NKAIN3: variants seen among roughly 807,000 people sequenced by gnomAD.
NKAIN3 encodes the protein sodium/potassium transporting ATPase interacting 3, also known as sodium/potassium-transporting ATPase subunit beta-1-interacting protein 3.
A neutral mutation model predicts 30.2 loss-of-function variants in NKAIN3; 25 were observed. That is an observed-to-expected ratio of 0.83 (90% CI 0.60 to 1.16). NKAIN3 has a LOEUF of 1.16. NKAIN3 is among the 50% of genes most tolerant of loss of function. The pLI is 0.00. For missense variants in NKAIN3, 225 were observed against 254.1 expected, an observed-to-expected ratio of 0.89 and a Z score of 0.78; for synonymous variants, 91 against 89.6, an observed-to-expected ratio of 1.02 and a Z score of -0.09.
At chr8:62,352,225 G>T (rs558573252) in intron 1 of NKAIN3, among the ~76,000 whole-genome samples, 4 of 152,258 alleles carry the variant, frequency 2.6e-5, no homozygotes, top group East Asian at 3.9e-4. Flanking sequence ...CTGTCGACCT[G>T]ACTCCTTCCC....
chr8:62,942,538 A>G lies in NKAIN3; in HGVS notation c.533-11364A>G, dbSNP rs1352324784. Among the ~76,000 whole-genome samples the G allele has an allele frequency of 2.6e-5, 4 of 151,654 alleles. No individual in the cohort carries two copies. In the East Asian group the frequency reaches 7.7e-4, roughly 29 times the overall value. ...CTAAAAAAAAAAAAAAAATCCTAAA[A>G]TTCATGTGGAACCAAAAAAGAGCCC... On this transcript the variant is annotated intron_variant, in intron 5 of 6. Transcript: ENST00000623646.
chr8:62,864,871 C>A (rs578125727), intron 4 of NKAIN3, among the ~76,000 whole-genome samples: 1 of 152,110 alleles, frequency 6.6e-6, no homozygotes, highest in African/African-American at 2.4e-5. Context: ...GAGTCAATAC[C>A]GTTCCATAGA....
intron 3 of NKAIN3, among the ~76,000 whole-genome samples, chr8:62,685,794 C>T (rs1055108789): frequency 1.3e-5 from 2 of 152,146 alleles, no homozygotes; most frequent in Non-Finnish European, 2.9e-5. Context: ...TCTGACTGCG[C>T]AACTATTAAG....
chr8:62,766,211 A>G (rs936134851), intron 4 of NKAIN3, among the ~76,000 whole-genome samples: 3 of 152,352 alleles, frequency 2.0e-5, no homozygotes, highest in Admixed American at 6.5e-5. Flanking sequence ...TAGTGGAGGC[A>G]TATAATAGAT....
chr8:62,418,935 T>C (rs1804544773), intron 1 of NKAIN3, among the ~76,000 whole-genome samples: 1 of 152,158 alleles, frequency 6.6e-6, no homozygotes, highest in African/African-American at 2.4e-5. Flanking sequence ...TAATATGTTC[T>C]CTAGCAGAAG....
intron 1 of NKAIN3, among the ~76,000 whole-genome samples, chr8:62,340,826 C>T (rs73684958): frequency 0.039 from 5,994 of 151,978 alleles, 430 homozygotes; most frequent in African/African-American, 0.14. Flanking sequence ...GTGGTTTGCT[C>T]GGAGGCAAGG....
chr8:62,901,970 G>C (rs1821626472), intron 4 of NKAIN3, among the ~76,000 whole-genome samples: 1 of 152,176 alleles, frequency 6.6e-6, no homozygotes, highest in African/African-American at 2.4e-5. Context: ...GGCTAAGTCA[G>C]CTGCTCAGTG....
intron 1 of NKAIN3, among the ~76,000 whole-genome samples, chr8:62,388,924 G>A (rs1163122580): frequency 1.3e-5 from 2 of 152,128 alleles, no homozygotes; most frequent in African/African-American, 4.8e-5. Context: ...TTATTAATGG[G>A]CCAGCCCAGT....
chr8:62,580,909 T>C (rs1449865594), intron 2 of NKAIN3, among the ~76,000 whole-genome samples: 2 of 142,388 alleles, frequency 1.4e-5, no homozygotes, highest in Non-Finnish European at 3.0e-5. Context: ...AGGGTTTTTA[T>C]ATATATATAT....
At chr8:62,450,015 A>C (rs902450055) in intron 1 of NKAIN3, among the ~76,000 whole-genome samples, 1 of 152,196 alleles carries the variant, frequency 6.6e-6, no homozygotes, top group Non-Finnish European at 1.5e-5. Flanking sequence ...TAGTTTAAAC[A>C]AAAATATTTT....
chr8:62,443,293 C>G (rs1056363727), intron 1 of NKAIN3, among the ~76,000 whole-genome samples: 3 of 151,974 alleles, frequency 2.0e-5, no homozygotes, highest in Non-Finnish European at 2.9e-5. Flanking sequence ...GGACTTTTCA[C>G]TTATTATCTT....
chr8:62,779,962 A>G (rs1311945137), intron 4 of NKAIN3, among the ~76,000 whole-genome samples: 1 of 152,140 alleles, frequency 6.6e-6, no homozygotes, highest in Non-Finnish European at 1.5e-5. Flanking sequence ...TCAAAGCAGA[A>G]CTAAATGCAA....
intron 1 of NKAIN3, among the ~76,000 whole-genome samples, chr8:62,454,741 G>A (rs1229014222): frequency 6.6e-6 from 1 of 151,984 alleles, no homozygotes; most frequent in African/African-American, 2.4e-5. Context: ...TTTTCAATTG[G>A]TCCTTGTATA....
intron 3 of NKAIN3, among the ~76,000 whole-genome samples, chr8:62,602,688 C>A (rs1811015216): frequency 6.6e-6 from 1 of 152,040 alleles, no homozygotes; most frequent in African/African-American, 2.4e-5. Context: ...GGTAGTGGGT[C>A]TTCTTACATA....
intron 4 of NKAIN3, among the ~76,000 whole-genome samples, chr8:62,759,496 A>C (rs1158392104): frequency 6.6e-6 from 1 of 152,142 alleles, no homozygotes; most frequent in African/African-American, 2.4e-5. Context: ...GGGGCTTATA[A>C]AGCCTGAGCT....
At chr8:62,319,215 C>A (rs1814780112) in intron 1 of NKAIN3, among the ~76,000 whole-genome samples, 1 of 151,720 alleles carries the variant, frequency 6.6e-6, no homozygotes, top group Admixed American at 6.6e-5. Flanking sequence ...CTATTTTATT[C>A]TTCTCTTTTC....
chr8:62,363,493 G>A (rs1816628129), intron 1 of NKAIN3, among the ~76,000 whole-genome samples: 1 of 152,164 alleles, frequency 6.6e-6, no homozygotes, highest in Admixed American at 6.5e-5. Context: ...CCTGATAGCT[G>A]TTTTCTTCAA....
At chr8:62,959,417 T>G (rs183609444) in intron 6 of NKAIN3, among the ~76,000 whole-genome samples, 1 of 144,524 alleles carries the variant, frequency 6.9e-6, no homozygotes, top group East Asian at 2.1e-4. Context: ...AAGTACCAGC[T>G]AGTAGGACAA....
chr8:62,749,086 A>G (rs563276739), intron 4 of NKAIN3, among the ~76,000 whole-genome samples: 13 of 152,296 alleles, frequency 8.5e-5, no homozygotes, highest in East Asian at 7.7e-4. Context: ...ATCTTGAACA[A>G]TGAAAATGTT....
Sources: gnomAD v4.1 joint callset for allele counts (sites outside exome capture counted in the v4.1 genomes callset) on GRCh38, gnomAD v4.1.1 for gene constraint, MANE v1.5 for transcripts, NCBI Gene and HGNC (gene_info 2026-07-23, HGNC 2026-07-21) for gene names.